The following MAT2B variants were observed in gnomAD, a reference collection of about 807,000 sequenced individuals.
The protein encoded by MAT2B is methionine adenosyltransferase 2 non-catalytic beta subunit, also known as methionine adenosyltransferase 2 subunit beta.
MAT2B carries 16 observed loss-of-function variants against 36.1 expected under a neutral mutation model. The observed-to-expected ratio is 0.44, with a 90% CI of 0.30 to 0.67. The LOEUF is 0.67. MAT2B is among the 30% of genes least tolerant of loss of function. The pLI is 0.09. For missense variants in MAT2B, 332 were observed against 398.2 expected, an observed-to-expected ratio of 0.83 and a Z score of 1.42; for synonymous variants, 148 against 136.9, an observed-to-expected ratio of 1.08 and a Z score of -0.57.
rs751801907 is a variant in MAT2B at position 163,519,187 on chromosome 5, T to C, written c.*824T>C. On this transcript the variant is annotated 3_prime_UTR_variant, in exon 7 of 7. Coordinates refer to ENST00000321757, the MANE Select transcript of MAT2B (RefSeq NM_013283.5). ...TCTTGTATTTACTTCTTTTTTTAAA[T>C]GTAAGGACCAAACTTCTAAACTAAT... 7 of 152,198 alleles carry C rather than the reference T, an allele frequency of 4.6e-5. No individual in the cohort carries two copies. Among genetic ancestry groups the C allele is most frequent in the Non-Finnish European group, 7.4e-5 (5 of 68,024 alleles). 9.4% of individuals were successfully genotyped at this position (152,198 alleles called of 1,614,324 possible).
At chr5:163,505,120 C>T (rs1759905778), upstream of MAT2B, among the ~76,000 whole-genome samples, 1 of 152,080 alleles carries the variant, frequency 6.6e-6, no homozygotes, top group Non-Finnish European at 1.5e-5. Flanking sequence ...ACAAATGGCT[C>T]AGACGCCAAC....
At chr5:163,513,332 C>A (rs1760079794) in intron 2 of MAT2B, 2 of 404,566 alleles carry the variant, frequency 4.9e-6, no homozygotes, top group African/African-American at 2.0e-5. Context: ...TTTGTGTCTG[C>A]ATATTATGAA....
Position 163,511,639 on chromosome 5 carries a change from A to C in MAT2B, c.64-363A>C, listed in dbSNP as rs1760046492. On this transcript the variant is annotated intron_variant, in intron 1 of 6. Transcript: ENST00000321757. ...TATGGTTTGATTAATCATTGTTCTA[A>C]CTTTATTTATTACATTTTTAAGTTG... is the stretch of plus-strand genomic sequence containing the variant. Among the ~76,000 whole-genome samples, 4 of 151,000 alleles carry C rather than the reference A, an allele frequency of 2.6e-5. No individual in the cohort carries two copies. In the South Asian group the frequency reaches 8.4e-4, roughly 32 times the overall value.
chr5:163,513,699 A>G, intron 3 of MAT2B, 30 bp downstream of exon 3: 1 of 1,572,126 alleles, frequency 6.4e-7, no homozygotes, highest in Non-Finnish European at 8.7e-7. Flanking sequence ...ATTTTCATAA[A>G]ATATTAAGTG....
At chr5:163,504,285 TC>T (rs142790868), upstream of MAT2B, among the ~76,000 whole-genome samples, 1,539 of 151,542 alleles carry the variant, frequency 0.01, 32 homozygotes, top group African/African-American at 0.034. Flanking sequence ...CCTCAAGGAT[TC>T]CCTAAATAAA....
Position 163,505,641 on chromosome 5 carries a change from T to C in MAT2B, c.-46T>C, listed in dbSNP as rs375723333. The C allele has an allele frequency of 2.4e-6, 3 of 1,257,520 alleles. No homozygotes were observed. The highest frequency in any genetic ancestry group is 3.0e-6 in the Non-Finnish European group (3 of 993,220). The allele number at this position is 1,257,520 out of a possible 1,614,324, so 77.9% of individuals were successfully genotyped here. On this transcript the variant is annotated 5_prime_UTR_variant, in exon 1 of 7. Transcript: ENST00000321757. ...GCTGAGGCCCGCGTCGATCCTGGGT[T>C]GGAGGAGGTGGCGGCCGCTGAGGCT...
chr5:163,518,164 G>T, intron 6 of MAT2B, 29 bp from the exon 7 acceptor site: 1 of 1,545,800 alleles, frequency 6.5e-7, no homozygotes, highest in South Asian at 1.2e-5. Context: ...ACTTACTTTT[G>T]ATTTTTTTGT....
In MAT2B at chr5:163,519,262, A is replaced by G. The variant is rs1760182230; in HGVS notation, c.*899A>G. 1 of 152,106 alleles carries G rather than the reference A, an allele frequency of 6.6e-6. No individual in the cohort carries two copies. Among genetic ancestry groups the G allele is most frequent in the South Asian group, 2.1e-4 (1 of 4,824 alleles). 9.4% of individuals were successfully genotyped at this position (152,106 alleles called of 1,614,324 possible). ...AAAAATTACATTCTTCTGATGTAAC[A>G]TGTGATACATACAAAAGAATATAGT... On this transcript the variant is annotated 3_prime_UTR_variant, in exon 7 of 7. Transcript: ENST00000321757.
At chr5:163,504,306 A>T (rs1023151558), upstream of MAT2B, among the ~76,000 whole-genome samples, 3 of 141,622 alleles carry the variant, frequency 2.1e-5, no homozygotes, top group African/African-American at 7.9e-5. Flanking sequence ...AGCCAAACTA[A>T]TGAACAGTAA....
upstream of MAT2B, chr5:163,503,516 G>A (rs1312291259): frequency 4.2e-6 from 5 of 1,201,052 alleles, no homozygotes; most frequent in Non-Finnish European, 4.9e-6. Context: ...CAGAATTGTT[G>A]TGTAAAGAAA....
At position 163,509,371 on chromosome 5, in the gene MAT2B, A is replaced by G. The variant is rs1340462110; in HGVS notation, c.64-2631A>G. Among the ~76,000 whole-genome samples, 4 of 152,194 alleles carry G rather than the reference A, an allele frequency of 2.6e-5. No homozygotes were observed. In the East Asian group the frequency reaches 7.7e-4, roughly 29 times the overall value. ...TTTTTGTTTTCCTTGTGTAAGAGAAACGGATTGTTATGAAAGCTTTGAACT... is the reference window on the plus strand; with the variant it reads ...TTTTTGTTTTCCTTGTGTAAGAGAAGCGGATTGTTATGAAAGCTTTGAACT... On this transcript the variant is annotated intron_variant, in intron 1 of 6. Transcript: ENST00000321757.
At chr5:163,505,829 C>A in intron 1 of MAT2B, 80 bp downstream of exon 1, 1 of 1,117,904 alleles carries the variant, frequency 8.9e-7, no homozygotes. Flanking sequence ...GGCGGCTTTG[C>A]AGGCGTATTC....
Position 163,516,678 on chromosome 5 carries a change from T to C in MAT2B, c.687T>C (p.Thr229=), listed in dbSNP as rs779175783. ...RFPTHVKDVA[T]VCRQLAEKRM... ...CCACACATGTCAAAGATGTGGCCAC[T>C]GTGTGCCGGCAGCTAGCAGAGAAGA... is the stretch of plus-strand genomic sequence containing the variant. The change falls in exon 5 of 7, where the codon ACT becomes ACC. Residue 229 remains threonine (T), a synonymous_variant. Transcript: ENST00000321757. 4 of 1,614,036 alleles carry C rather than the reference T, an allele frequency of 2.5e-6. No individual in the cohort carries two copies. The highest frequency in any genetic ancestry group is 3.4e-6 in the Non-Finnish European group (4 of 1,180,010).
At chr5:163,511,749 C>T (rs1020402747) in intron 1 of MAT2B, among the ~76,000 whole-genome samples, 1 of 151,978 alleles carries the variant, frequency 6.6e-6, no homozygotes, top group African/African-American at 2.4e-5. Flanking sequence ...AGATGGGTCT[C>T]ATTATGTTAC....
At chr5:163,505,772 C>T (rs1759922938) in intron 1 of MAT2B, 23 bp downstream of exon 1, 4 of 1,261,870 alleles carry the variant, frequency 3.2e-6, no homozygotes, top group South Asian at 7.8e-5. Flanking sequence ...GCCTGGGCGT[C>T]TCCGGTGGGA....
rs755349725 is a variant in MAT2B at position 163,517,586 on chromosome 5, A to G, written c.746A>G (p.His249Arg). The G allele has an allele frequency of 1.2e-6, 2 of 1,612,584 alleles. No individual in the cohort carries two copies. Among genetic ancestry groups the G allele is most frequent in the Non-Finnish European group, 1.7e-6 (2 of 1,178,648 alleles). The change falls in exon 6 of 7, where the codon CAC becomes CGC. Residue 249 changes from histidine to arginine, a missense_variant. His to Arg is a conservative substitution (Grantham distance 29, BLOSUM62 0). Coordinates refer to ENST00000321757, the MANE Select transcript of MAT2B (RefSeq NM_013283.5). Reference protein sequence around the residue: ...MLDPSIKGTFHWSGNEQMTKY... With the variant: ...MLDPSIKGTFRWSGNEQMTKY... Reference sequence around the variant, plus strand: ...GATCCATCAATTAAGGGAACCTTTCACTGGTCTGGCAATGAACAGATGACT... The same window carrying G: ...GATCCATCAATTAAGGGAACCTTTCGCTGGTCTGGCAATGAACAGATGACT...
intron 4 of MAT2B, among the ~76,000 whole-genome samples, chr5:163,514,822 T>C (rs1232154376): frequency 6.6e-6 from 1 of 152,256 alleles, no homozygotes; most frequent in Admixed American, 6.5e-5. Context: ...TCTTGTATTA[T>C]AAATTATTCT....
At chr5:163,512,262 C>T in intron 2 of MAT2B, 66 bp downstream of exon 2, 1 of 1,328,660 alleles carries the variant, frequency 7.5e-7, no homozygotes, top group Non-Finnish European at 1.1e-6. Context: ...GATACAGAAA[C>T]TATCCTTGCT....
upstream of MAT2B, chr5:163,503,191 A>G: frequency 1.9e-6 from 1 of 513,792 alleles, no homozygotes; most frequent in Non-Finnish European, 3.6e-6. Context: ...ACGGGGAATC[A>G]GCTACCAGCT....
Sources: gnomAD v4.1 joint callset for allele counts (sites outside exome capture counted in the v4.1 genomes callset) on GRCh38, gnomAD v4.1.1 for gene constraint, MANE v1.5 for transcripts, NCBI Gene and HGNC (gene_info 2026-07-23, HGNC 2026-07-21) for gene names.